Variants in GPC6 observed in about 807,000 individuals in gnomAD.
The protein encoded by GPC6 is glypican 6.
Under a neutral mutation model 55.2 loss-of-function variants are expected in GPC6, and 14 were observed. The ratio of observed to expected loss-of-function variants is 0.25; its 90% confidence interval spans 0.17 to 0.40. The LOEUF (loss-of-function observed/expected upper bound fraction) is 0.40. Ranked by LOEUF, GPC6 falls within the 10% of genes least tolerant of loss-of-function variation. The pLI, the probability that GPC6 is intolerant of heterozygous loss-of-function variation, is 1.00. For missense variants in GPC6, 641 were observed against 708.5 expected (o/e 0.90, Z 1.08); for synonymous variants, 278 against 259.6 (o/e 1.07, Z -0.68).
intron 2 of GPC6, among the ~76,000 whole-genome samples, chr13:93,597,007 CAAAA>C (rs10709473): frequency 5.0e-4 from 34 of 68,052 alleles, no homozygotes; most frequent in East Asian, 1.0e-3. Flanking sequence ...TCAAATCTGG[CAAAA>C]AAAAAAAAAA....
At chr13:94,274,128 G>A (rs1229915243) in intron 4 of GPC6, among the ~76,000 whole-genome samples, 5 of 152,166 alleles carry the variant, frequency 3.3e-5, no homozygotes, top group Non-Finnish European at 7.4e-5. Flanking sequence ...CTCCTAAAAA[G>A]AAGCCAATGT....
chr13:93,589,271 C>G (rs1342384122), intron 2 of GPC6, among the ~76,000 whole-genome samples: 8 of 27,462 alleles, frequency 2.9e-4, no homozygotes, highest in African/African-American at 2.9e-3. Context: ...CCAACATTTT[C>G]TCAAAAAAAA....
At chr13:93,673,758 G>A (rs2139631586) in intron 2 of GPC6, among the ~76,000 whole-genome samples, 1 of 152,282 alleles carries the variant, frequency 6.6e-6, no homozygotes, top group East Asian at 1.9e-4. Context: ...AATATGGAAA[G>A]ATATAACAAA....
intron 4 of GPC6, among the ~76,000 whole-genome samples, chr13:94,052,519 G>C (rs747438426): frequency 6.6e-6 from 1 of 152,104 alleles, no homozygotes; most frequent in Non-Finnish European, 1.5e-5. Flanking sequence ...GTTGTAGGAC[G>C]AGGGAACCAT....
At chr13:93,793,919 G>C (rs1431662350) in intron 2 of GPC6, among the ~76,000 whole-genome samples, 3 of 152,132 alleles carry the variant, frequency 2.0e-5, no homozygotes, top group African/African-American at 4.8e-5. Flanking sequence ...GAAATACTGG[G>C]TAATATAAAA....
chr13:94,238,367 G>A (rs1890944870), intron 4 of GPC6, among the ~76,000 whole-genome samples: 1 of 152,130 alleles, frequency 6.6e-6, no homozygotes, highest in South Asian at 2.1e-4. Flanking sequence ...GAGCCCTTGT[G>A]TGCTCCACAT....
At chr13:94,193,611 C>T (rs551001769) in intron 4 of GPC6, among the ~76,000 whole-genome samples, 1 of 152,172 alleles carries the variant, frequency 6.6e-6, no homozygotes, top group South Asian at 2.1e-4. Context: ...TGCGACATGC[C>T]AGAAGGGTTC....
chr13:93,783,271 T>C (rs9561443), intron 2 of GPC6, among the ~76,000 whole-genome samples: 51,138 of 152,024 alleles, frequency 0.34, 9,158 homozygotes, highest in African/African-American at 0.46. Flanking sequence ...CATAGTGCTG[T>C]AAGGAAGATA....
At chr13:93,645,591 A>G (rs931539631) in intron 2 of GPC6, among the ~76,000 whole-genome samples, 3 of 152,150 alleles carry the variant, frequency 2.0e-5, no homozygotes, top group African/African-American at 7.2e-5. Flanking sequence ...GTTTGACTCA[A>G]ATTCCATCTT....
intron 2 of GPC6, among the ~76,000 whole-genome samples, chr13:93,698,643 C>T (rs956020210): frequency 2.0e-5 from 3 of 151,660 alleles, no homozygotes; most frequent in Non-Finnish European, 4.4e-5. Flanking sequence ...ATCATCTATT[C>T]TTCTAAATAC....
intron 3 of GPC6, among the ~76,000 whole-genome samples, chr13:93,999,860 A>C (rs1881720536): frequency 1.3e-5 from 2 of 152,326 alleles, no homozygotes; most frequent in Admixed American, 6.5e-5. Flanking sequence ...ATAAATAACA[A>C]AACCAAACAT....
At position 93,823,336 on chromosome 13, in the gene GPC6, T is replaced by C. The variant is rs1035834035; in HGVS notation, c.320-6818T>C. 4.6e-5 allele frequency among the ~76,000 whole-genome samples: 7 copies of C among 152,172 alleles called. No homozygotes were observed. The South Asian group carries it at 1.4e-3, about 32-fold the overall frequency. ...TAGACTACAAAGCCATCCTGCTGTC[T>C]TGTTCTTTCCTAGAACTGTTTCTTG... On this transcript the variant is annotated intron_variant, in intron 2 of 8. Transcript: ENST00000377047.
At chr13:94,183,256 G>A (rs1457786874) in intron 4 of GPC6, among the ~76,000 whole-genome samples, 3 of 151,924 alleles carry the variant, frequency 2.0e-5, no homozygotes, top group Admixed American at 6.6e-5. Flanking sequence ...TCTATTTTCT[G>A]TCTCTGAATT....
At chr13:93,672,010 T>A (rs1211561980) in intron 2 of GPC6, among the ~76,000 whole-genome samples, 1 of 152,098 alleles carries the variant, frequency 6.6e-6, no homozygotes, top group Admixed American at 6.6e-5. Flanking sequence ...ATTAGTTTAA[T>A]TACTCCCATG....
At chr13:93,354,706 A>T (rs1042675880) in intron 1 of GPC6, among the ~76,000 whole-genome samples, 3 of 151,788 alleles carry the variant, frequency 2.0e-5, no homozygotes, top group African/African-American at 7.3e-5. Flanking sequence ...CTAACGTGTT[A>T]TATGTTTAAT....
intron 1 of GPC6, among the ~76,000 whole-genome samples, chr13:93,404,149 A>G (rs1184381248): frequency 6.6e-6 from 1 of 152,184 alleles, no homozygotes; most frequent in African/African-American, 2.4e-5. Context: ...GTTTACCACA[A>G]TTAAACTTTA....
intron 1 of GPC6, among the ~76,000 whole-genome samples, chr13:93,501,578 T>C (rs1361147065): frequency 6.6e-6 from 1 of 152,166 alleles, no homozygotes; most frequent in African/African-American, 2.4e-5. Context: ...GAAATGTGGG[T>C]GTTGAACCAC....
intron 2 of GPC6, among the ~76,000 whole-genome samples, chr13:93,680,749 G>A (rs1881818077): frequency 6.6e-6 from 1 of 152,074 alleles, no homozygotes; most frequent in Non-Finnish European, 1.5e-5. Flanking sequence ...CGATTCTATG[G>A]CCACAAGATC....
intron 4 of GPC6, among the ~76,000 whole-genome samples, chr13:94,063,355 G>T (rs1884401257): frequency 6.6e-6 from 1 of 152,198 alleles, no homozygotes; most frequent in African/African-American, 2.4e-5. Flanking sequence ...TTTGGATGTT[G>T]CTGCAAGGGA....
Sources: gnomAD v4.1 joint callset for allele counts (sites outside exome capture counted in the v4.1 genomes callset) on GRCh38, gnomAD v4.1.1 for gene constraint, MANE v1.5 for transcripts, NCBI Gene and HGNC (gene_info 2026-07-23, HGNC 2026-07-21) for gene names.